Variants in ASTN2 observed in about 807,000 individuals in gnomAD.
The protein encoded by ASTN2 is astrotactin 2.
Under a neutral mutation model 139.8 loss-of-function variants are expected in ASTN2, and 54 were observed. That is an observed-to-expected ratio of 0.39 (90% CI 0.31 to 0.48). ASTN2 has a LOEUF of 0.48. Among genes scored for constraint, ASTN2 ranks in the 20% least tolerant of loss-of-function variants. The pLI, the probability that ASTN2 is intolerant of heterozygous loss-of-function variation, is 0.95. For missense variants in ASTN2, 1,565 were observed against 1,725.1 expected (o/e 0.91, Z 1.64); for synonymous variants, 756 against 719.5 (o/e 1.05, Z -0.81).
intron 13 of ASTN2, among the ~76,000 whole-genome samples, chr9:116,738,224 G>A (rs1358233825): frequency 6.6e-6 from 1 of 151,572 alleles, no homozygotes; most frequent in Non-Finnish European, 1.5e-5. Flanking sequence ...ATTGGGGCCA[G>A]GAGCAGCGGC....
rs565891845 is a variant in ASTN2 at position 116,641,914 on chromosome 9, C to T, written c.3072+9614G>A. Among the ~76,000 whole-genome samples the T allele has an allele frequency of 7.2e-5, 11 of 152,072 alleles. No homozygotes were observed. In the East Asian group the frequency reaches 2.1e-3, roughly 29 times the overall value. On this transcript the variant is annotated intron_variant, in intron 17 of 22. Coordinates refer to ENST00000313400, the MANE Select transcript of ASTN2 (RefSeq NM_001365068.1). ...ATTCTTGGCCGGTTCACCTCCTTCT[C>T]AGAATGCACTAAGATAGAAAGGAAG...
chr9:117,068,880 C>A (rs1828027902), intron 5 of ASTN2, among the ~76,000 whole-genome samples: 1 of 117,576 alleles, frequency 8.5e-6, no homozygotes, highest in African/African-American at 3.4e-5. Flanking sequence ...CTTATTGTGT[C>A]TATTTGATTC....
chr9:116,892,146 T>C (rs950429182), intron 10 of ASTN2, among the ~76,000 whole-genome samples: 3 of 152,244 alleles, frequency 2.0e-5, no homozygotes, highest in Non-Finnish European at 4.4e-5. Flanking sequence ...TTAGTAATAG[T>C]GATATCTATA....
chr9:116,835,699 A>G (rs1831965533), intron 11 of ASTN2, among the ~76,000 whole-genome samples: 1 of 152,200 alleles, frequency 6.6e-6, no homozygotes, highest in Non-Finnish European at 1.5e-5. Flanking sequence ...GGACCTTCTG[A>G]GGGCTGTGTC....
chr9:116,923,592 A>G (rs1834672958), intron 10 of ASTN2, among the ~76,000 whole-genome samples: 1 of 152,208 alleles, frequency 6.6e-6, no homozygotes, highest in Non-Finnish European at 1.5e-5. Flanking sequence ...CTTGGCAGAG[A>G]CGTACACCAA....
In ASTN2 at chr9:116,440,641, G is replaced by A. The variant is rs753132621; in HGVS notation, c.3750C>T (p.Phe1250=). The A allele has an allele frequency of 9.9e-6, 16 of 1,613,804 alleles. No individual in the cohort carries two copies. Among genetic ancestry groups the A allele is most frequent in the South Asian group, 4.4e-5 (4 of 91,066 alleles). Residue 1250 remains phenylalanine, a synonymous_variant, in exon 22 of 23, where the codon TTC becomes TTT. Coordinates refer to ENST00000313400, the MANE Select transcript of ASTN2 (RefSeq NM_001365068.1). ...CCAGCTCATCCTCACTTCTCCAGAC[G>A]AAGTCGCCAAACTTTTCATAGTGAG... is the stretch of plus-strand genomic sequence containing the variant. The part of the protein sequence containing the change: ...YNSHYEKFGD[F]VWRSEDELGP...
intron 14 of ASTN2, 79 bp from the exon 15 acceptor site, chr9:116,729,175 G>C: frequency 8.8e-7 from 1 of 1,140,544 alleles, no homozygotes; most frequent in African/African-American, 1.5e-5. Context: ...GCAGCTCTTG[G>C]CTCTGGGAAA....
chr9:117,282,502 CCATCTA>C, intron 2 of ASTN2, among the ~76,000 whole-genome samples: 1 of 152,296 alleles, frequency 6.6e-6, no homozygotes, highest in South Asian at 2.1e-4. Flanking sequence ...TTCATTTTCC[CCATCTA>C]CAACATGAAG....
chr9:116,609,600 C>T (rs1855426960), intron 19 of ASTN2, among the ~76,000 whole-genome samples: 1 of 151,426 alleles, frequency 6.6e-6, no homozygotes, highest in African/African-American at 2.4e-5. Context: ...TAGTAAAAGA[C>T]ATCCTTTAGG....
Position 116,424,533 on chromosome 9 carries a change from T to G in ASTN2, c.*1318A>C, listed in dbSNP as rs1188437031. Among the ~76,000 whole-genome samples, 4 of 151,972 alleles carry G rather than the reference T, an allele frequency of 2.6e-5. No homozygotes were observed. The highest frequency in any genetic ancestry group is 1.3e-4 in the Admixed American group (2 of 15,252). ...GAAAGTTTTCAGTCCTTGAAAGAGGTGTACTGTCTCTTGTCTCTGGGCTTT... is the reference window on the plus strand; with the variant it reads ...GAAAGTTTTCAGTCCTTGAAAGAGGGGTACTGTCTCTTGTCTCTGGGCTTT... On this transcript the variant is annotated 3_prime_UTR_variant, in exon 23 of 23. Transcript: ENST00000313400.
intron 15 of ASTN2, among the ~76,000 whole-genome samples, chr9:116,727,422 G>C (rs1828659556): frequency 6.6e-6 from 1 of 152,078 alleles, no homozygotes; most frequent in Non-Finnish European, 1.5e-5. Flanking sequence ...TTGACAAAAG[G>C]GTTTTCCGGG....
intron 12 of ASTN2, among the ~76,000 whole-genome samples, chr9:116,815,816 A>AAAAAAAAC (rs1564283195): frequency 7.1e-5 from 10 of 141,054 alleles, no homozygotes; most frequent in African/African-American, 2.9e-4. Context: ...AAAAAAAAAA[A>AAAAAAAAC]AAAAAAAAAA....
intron 17 of ASTN2, among the ~76,000 whole-genome samples, chr9:116,631,306 G>T (rs184612888): frequency 6.6e-6 from 1 of 152,230 alleles, no homozygotes; most frequent in African/African-American, 2.4e-5. Flanking sequence ...CCAAGATATG[G>T]ACTCAACCTA....
Position 117,249,693 on chromosome 9 carries a change from CT to C in ASTN2, c.631-34952del, listed in dbSNP as rs56222565. On this transcript the variant is annotated intron_variant, in intron 2 of 22. Coordinates refer to ENST00000313400, the MANE Select transcript of ASTN2 (RefSeq NM_001365068.1). ...ATGACATGAAAACCACTGACATTGT[CT>C]TTTTTTTTTTTAACTTTAAAGATGG... Among the ~76,000 whole-genome samples, 619 of 146,656 alleles carry C rather than the reference CT, an allele frequency of 4.2e-3. 5 individuals are homozygous for C. Among genetic ancestry groups the C allele is most frequent in the African/African-American group, 0.013 (510 of 39,848 alleles).
At chr9:116,464,074 T>G (rs1848577948) in intron 20 of ASTN2, among the ~76,000 whole-genome samples, 1 of 152,076 alleles carries the variant, frequency 6.6e-6, no homozygotes, top group Non-Finnish European at 1.5e-5. Flanking sequence ...AGCCAGAATC[T>G]GACACATAGC....
Position 117,235,289 on chromosome 9 carries a change from T to C in ASTN2, c.631-20547A>G, listed in dbSNP as rs568086546. Among the ~76,000 whole-genome samples the C allele has an allele frequency of 8.6e-5, 13 of 151,874 alleles. No homozygotes were observed. The East Asian group carries it at 2.3e-3, about 27-fold the overall frequency. ...GATAAAATTTTATTTTCCAAGCCCC[T>C]ATTGCATGTCATTTATTGGTATTGA... On this transcript the variant is annotated intron_variant, in intron 2 of 22. Coordinates refer to ENST00000313400, the MANE Select transcript of ASTN2 (RefSeq NM_001365068.1).
intron 10 of ASTN2, among the ~76,000 whole-genome samples, chr9:116,879,907 T>C (rs2132367673): frequency 6.6e-6 from 1 of 152,304 alleles, no homozygotes; most frequent in South Asian, 2.1e-4. Flanking sequence ...GACCACAACT[T>C]AGAGTTATGT....
At chr9:116,483,054 C>A (rs1443878360) in intron 20 of ASTN2, among the ~76,000 whole-genome samples, 1 of 152,202 alleles carries the variant, frequency 6.6e-6, no homozygotes, top group African/African-American at 2.4e-5. Context: ...GGTGTCTGGG[C>A]CTTTGGCCAG....
intron 6 of ASTN2, among the ~76,000 whole-genome samples, chr9:117,018,753 C>T (rs931604824): frequency 6.6e-6 from 1 of 152,098 alleles, no homozygotes; most frequent in Non-Finnish European, 1.5e-5. Context: ...GCAGTATTTG[C>T]AAGGTAAATG....
Sources: allele counts gnomAD v4.1 joint callset (sites outside exome capture counted in the v4.1 genomes callset), GRCh38; gene constraint gnomAD v4.1.1; transcripts MANE v1.5; gene names NCBI Gene and HGNC (gene_info 2026-07-23, HGNC 2026-07-21).